The following DAAM2 variants were observed in gnomAD, a reference collection of about 807,000 sequenced individuals.
The protein encoded by DAAM2 is dishevelled associated activator of morphogenesis 2, also known as disheveled-associated activator of morphogenesis 2.
DAAM2 carries 39 observed loss-of-function variants against 120.7 expected under a neutral mutation model. That is an observed-to-expected ratio of 0.32 (90% CI 0.25 to 0.42). DAAM2 has a LOEUF of 0.42. DAAM2 is among the 10% of genes least tolerant of loss of function. DAAM2 has a pLI of 1.00. For synonymous variants in DAAM2, 488 were observed against 524.9 expected (o/e 0.93, Z 0.96); for missense variants, 1,283 against 1,401.7 (o/e 0.92, Z 1.35).
chr6:39,865,006 G>A lies in DAAM2; in HGVS notation c.360G>A (p.Glu120=), dbSNP rs1764367830. ...TGCAGAGTCTGTACGCGTTTGATGA[G>A]GAGGAGACGGAGATGAGGAACCAAG... ...AAMQSLYAFD[E]EETEMRNQVV... The change falls in exon 5 of 25, where the codon GAG becomes GAA. Residue 120 remains glutamate, a synonymous_variant. Coordinates refer to ENST00000274867, the MANE Select transcript of DAAM2 (RefSeq NM_001201427.2). 2 of 1,607,206 alleles carry A rather than the reference G, an allele frequency of 1.2e-6. No individual in the cohort carries two copies. The highest frequency in any genetic ancestry group is 1.3e-5 in the African/African-American group (1 of 74,958).
intron 22 of DAAM2, among the ~76,000 whole-genome samples, chr6:39,899,190 C>T (rs899020432): frequency 6.6e-6 from 1 of 152,216 alleles, no homozygotes; most frequent in Non-Finnish European, 1.5e-5. Context: ...AACCATACAT[C>T]TGACCCATGC....
chr6:39,849,926 C>T (rs552615468), intron 1 of DAAM2, among the ~76,000 whole-genome samples: 4 of 152,216 alleles, frequency 2.6e-5, no homozygotes, highest in African/African-American at 7.2e-5. Flanking sequence ...GCACGTGGCA[C>T]GTGGAGGGTC....
Position 39,901,830 on chromosome 6 carries a change from A to C in DAAM2, c.3000A>C (p.Glu1000Asp), listed in dbSNP as rs570662014. Residue 1000 changes from glutamate (E) to aspartate (D), a missense_variant, in exon 25 of 25, where the codon GAA (glutamate) becomes GAC (aspartate). Glu to Asp is a conservative substitution (Grantham distance 45). Coordinates refer to ENST00000274867, the MANE Select transcript of DAAM2 (RefSeq NM_001201427.2). The surrounding 1 kb of genome is among the most constrained non-coding windows in gnomAD (Gnocchi z 4.5). ...RMEAMLKEQR[E>D]RERWQRQRKV... is the part of the protein sequence containing the mutation. ...GCCCGCAGCTGAAGGAGCAGAGGGA[A>C]CGTGAGCGGTGGCAGCGGCAGCGGA... 6.4e-7 allele frequency: 1 copy of C among 1,555,026 alleles called. No individual in the cohort carries two copies. Among genetic ancestry groups the C allele is most frequent in the East Asian group, 2.3e-5 (1 of 43,938 alleles).
Position 39,878,326 on chromosome 6 carries a change from C to G in DAAM2, c.1360+65C>G, listed in dbSNP as rs189401197. The G allele has an allele frequency of 1.9e-6, 3 of 1,610,678 alleles. No individual in the cohort carries two copies. The highest frequency in any genetic ancestry group is 2.5e-6 in the Non-Finnish European group (3 of 1,177,608). ...CCCTTCCCCTGCCCAGCCCATAACT[C>G]CATGCCCTTCCAGGCAGGGAGTCAC... On this transcript the variant is annotated intron_variant, in intron 12 of 24. Transcript: ENST00000274867. The surrounding 1 kb of genome is among the most constrained non-coding windows in gnomAD (Gnocchi z 5.0).
intron 6 of DAAM2, chr6:39,868,576 T>C (rs925466522): frequency 2.7e-5 from 14 of 522,446 alleles, no homozygotes; most frequent in African/African-American, 1.9e-4. Flanking sequence ...CTCAACCATG[T>C]AGACCAAGCC....
intron 23 of DAAM2, among the ~76,000 whole-genome samples, chr6:39,900,844 T>C (rs1266098718): frequency 6.6e-6 from 1 of 152,164 alleles, no homozygotes; most frequent in Non-Finnish European, 1.5e-5. Flanking sequence ...TATATAAATA[T>C]AGCCACTGTT....
At chr6:39,874,731 G>A (rs1582714961) in intron 10 of DAAM2, among the ~76,000 whole-genome samples, 1 of 152,248 alleles carries the variant, frequency 6.6e-6, no homozygotes, top group African/African-American at 2.4e-5. Flanking sequence ...CATTAGAGGG[G>A]ATGAGAGTGA....
intron 6 of DAAM2, 165 bp downstream of exon 6, chr6:39,868,008 G>A: frequency 1.5e-6 from 1 of 647,770 alleles, no homozygotes; most frequent in East Asian, 2.7e-5. Context: ...ACTGGGACCT[G>A]GAAGGCTTGC....
intron 10 of DAAM2, among the ~76,000 whole-genome samples, chr6:39,874,020 A>G (rs968834601): frequency 5.3e-5 from 8 of 152,202 alleles, no homozygotes; most frequent in African/African-American, 1.9e-4. Flanking sequence ...GCCCACCATA[A>G]TGGTTGATGT....
chr6:39,893,035 C>T (rs1320680937), intron 19 of DAAM2, among the ~76,000 whole-genome samples: 2 of 152,268 alleles, frequency 1.3e-5, no homozygotes, highest in Non-Finnish European at 2.9e-5. Context: ...CATCCTGCTG[C>T]AGACTGCCTT....
rs1198034242 is a variant in DAAM2 at position 39,904,216 on chromosome 6, T to C, written c.*2179T>C. 8.8e-6 allele frequency: 4 copies of C among 456,768 alleles called. No individual in the cohort carries two copies. Among genetic ancestry groups the C allele is most frequent in the Admixed American group, 2.3e-5 (1 of 42,580 alleles). The allele number at this position is 456,768 out of a possible 1,614,324, so 28.3% of individuals were successfully genotyped here. ...AGAAAAGCAGAATTTGGTTCAACTG[T>C]TGACAGAGGACACAAATACGTTGTT... is the stretch of plus-strand genomic sequence containing the variant. On this transcript the variant is annotated 3_prime_UTR_variant, in exon 25 of 25. Transcript: ENST00000274867.
At chr6:39,859,834 TAA>T (rs1764142051) in intron 2 of DAAM2, among the ~76,000 whole-genome samples, 1 of 152,228 alleles carries the variant, frequency 6.6e-6, no homozygotes, top group Admixed American at 6.5e-5. Context: ...GGTGAGAGAA[TAA>T]AGTCTTAATA....
chr6:39,897,260 C>A lies in DAAM2; in HGVS notation c.2596C>A (p.Leu866Ile). ...ILNMPSELQH[L>I]PEAAKVNLAE... The stretch of plus-strand genomic sequence containing the variant: ...AAACATGCCTTCAGAGCTGCAACAT[C>A]TTCCAGAAGCTGCCAAAGTCAAGTG... Residue 866 changes from leucine (L) to isoleucine (I), a missense_variant, in exon 21 of 25, where the codon CTT becomes ATT. Transcript: ENST00000274867. 1 of 1,611,590 alleles carries A rather than the reference C, an allele frequency of 6.2e-7. No individual in the cohort carries two copies.
intron 1 of DAAM2, among the ~76,000 whole-genome samples, chr6:39,849,323 T>C (rs1442033970): frequency 6.6e-6 from 1 of 152,208 alleles, no homozygotes; most frequent in Admixed American, 6.5e-5. Flanking sequence ...CCAAGCCCTA[T>C]AGTAATATGT....
chr6:39,832,180 GC>G (rs1762940948), intron 1 of DAAM2, among the ~76,000 whole-genome samples: 1 of 151,950 alleles, frequency 6.6e-6, no homozygotes, highest in Non-Finnish European at 1.5e-5. Context: ...GGGTAGAGGG[GC>G]CGACAGGTCA....
At chr6:39,834,813 C>A (rs9369138) in intron 1 of DAAM2, among the ~76,000 whole-genome samples, 18,982 of 151,926 alleles carry the variant, frequency 0.12, 2,337 homozygotes, top group East Asian at 0.36. Flanking sequence ...GAGGGCAGGG[C>A]AGGGAAGGGA....
chr6:39,867,837 C>A lies in DAAM2; in HGVS notation c.756C>A (p.Arg252=). The change falls in exon 6 of 25, where the codon CGC becomes CGA. Residue 252 remains arginine (R), a synonymous_variant. Transcript: ENST00000274867. ...HYQVYAAERT[R]FQTLLNELDR... The stretch of plus-strand genomic sequence containing the variant: ...AGGTGTATGCAGCAGAGCGAACCCG[C>A]TTCCAGGTGAGGGGCCAGGCTGGAG... 6.3e-7 allele frequency: 1 copy of A among 1,580,690 alleles called. No homozygotes were observed. The highest frequency in any genetic ancestry group is 8.6e-7 in the Non-Finnish European group (1 of 1,164,354).
At chr6:39,822,840 G>C (rs1171342595) in intron 1 of DAAM2, 1 of 152,258 alleles carries the variant, frequency 6.6e-6, no homozygotes, top group Non-Finnish European at 1.5e-5. Flanking sequence ...CTGGGACAGG[G>C]AAGGGTCCAG....
At chr6:39,820,031 A>G (rs1172004067) in intron 1 of DAAM2, 1 of 152,124 alleles carries the variant, frequency 6.6e-6, no homozygotes, top group Admixed American at 6.5e-5. Context: ...AATGTTCAAC[A>G]CTCTGCTCGT....
Sources: allele counts gnomAD v4.1 joint callset (sites outside exome capture counted in the v4.1 genomes callset), GRCh38; gene constraint gnomAD v4.1.1; non-coding constraint Gnocchi (gnomAD v3.1); transcripts MANE v1.5; gene names NCBI Gene and HGNC (gene_info 2026-07-23, HGNC 2026-07-21).